The following PAPPA2 variants were observed in gnomAD, a reference collection of about 807,000 sequenced individuals.
PAPPA2 encodes the protein pappalysin-2.
PAPPA2 carries 86 observed loss-of-function variants against 176.4 expected under a neutral mutation model. The ratio of observed to expected loss-of-function variants is 0.49; its 90% CI spans 0.41 to 0.58. The LOEUF is 0.58. Ranked by LOEUF, PAPPA2 falls within the 20% of genes least tolerant of loss-of-function variation. The pLI is 0.00. For synonymous variants in PAPPA2, 809 were observed against 852.2 expected (o/e 0.95, Z 0.88); for missense variants, 2,073 against 2,256.9 (o/e 0.92, Z 1.65).
chr1:176,815,753 G>T (rs572685223), intron 21 of PAPPA2, among the ~76,000 whole-genome samples: 1 of 152,240 alleles, frequency 6.6e-6, no homozygotes, highest in Admixed American at 6.5e-5. Context: ...GTAAGGTAAG[G>T]CAGGACAACC....
chr1:176,625,374 T>C (rs2102700073), intron 3 of PAPPA2, among the ~76,000 whole-genome samples: 1 of 152,322 alleles, frequency 6.6e-6, no homozygotes, highest in South Asian at 2.1e-4. Context: ...ACACACACCC[T>C]GCCAGATTAG....
intron 3 of PAPPA2, among the ~76,000 whole-genome samples, chr1:176,656,074 T>C (rs1658014381): frequency 6.6e-6 from 1 of 151,900 alleles, no homozygotes; most frequent in Non-Finnish European, 1.5e-5. Flanking sequence ...TTTCTGAATA[T>C]ATTTTCAATA....
chr1:176,686,050 A>G (rs1259889860), intron 4 of PAPPA2, among the ~76,000 whole-genome samples: 2 of 152,130 alleles, frequency 1.3e-5, no homozygotes, highest in Non-Finnish European at 2.9e-5. Flanking sequence ...TCATTTCCCT[A>G]ATAACATCAC....
chr1:176,610,694 T>C (rs140228136), intron 3 of PAPPA2, among the ~76,000 whole-genome samples: 164 of 152,292 alleles, frequency 1.1e-3, no homozygotes, highest in African/African-American at 3.7e-3. Flanking sequence ...AGAGTGGTGA[T>C]GATTAAGATA....
chr1:176,687,922 T>C (rs1168546388), intron 4 of PAPPA2, among the ~76,000 whole-genome samples: 1 of 152,144 alleles, frequency 6.6e-6, no homozygotes, highest in Non-Finnish European at 1.5e-5. Flanking sequence ...AACAACTCAC[T>C]CTCATATACA....
At position 176,575,808 on chromosome 1, in the gene PAPPA2, A is replaced by C. The variant is rs77725197; in HGVS notation, c.919+18567A>C. On this transcript the variant is annotated intron_variant, in intron 2 of 22. Transcript: ENST00000367662. ...GATAAGTGGTTTATTGTAGAAGTTT[A>C]AAAAATACTTTTCCTGTAAATCTGT... Among the ~76,000 whole-genome samples the C allele has an allele frequency of 4.3e-3, 650 of 152,352 alleles. 6 individuals are homozygous for C. The highest frequency in any genetic ancestry group is 0.015 in the African/African-American group (605 of 41,590).
intron 3 of PAPPA2, among the ~76,000 whole-genome samples, chr1:176,611,445 T>G (rs980094981): frequency 3.9e-5 from 6 of 152,254 alleles, no homozygotes; most frequent in African/African-American, 1.4e-4. Context: ...TAAATGCTTG[T>G]AATTATATGT....
intron 21 of PAPPA2, among the ~76,000 whole-genome samples, chr1:176,809,524 G>C (rs1666050998): frequency 6.6e-6 from 1 of 152,136 alleles, no homozygotes. Flanking sequence ...CCAGATGGTA[G>C]CCCTGTTAGC....
chr1:176,492,032 A>G (rs965318902), intron 1 of PAPPA2, among the ~76,000 whole-genome samples: 1 of 152,226 alleles, frequency 6.6e-6, no homozygotes, highest in Non-Finnish European at 1.5e-5. Context: ...CCTGAACATC[A>G]AGCATGGAAT....
chr1:176,775,866 A>G (rs1433793553), intron 17 of PAPPA2, among the ~76,000 whole-genome samples: 1 of 152,164 alleles, frequency 6.6e-6, no homozygotes, highest in Non-Finnish European at 1.5e-5. Context: ...AAATTTTTGT[A>G]GCAACACTTT....
chr1:176,518,608 G>A (rs146642383), intron 1 of PAPPA2, among the ~76,000 whole-genome samples: 6 of 152,266 alleles, frequency 3.9e-5, no homozygotes, highest in South Asian at 2.1e-4. Context: ...TCCAATCAAG[G>A]GTCCTTATTT....
intron 14 of PAPPA2, among the ~76,000 whole-genome samples, chr1:176,758,134 A>G (rs955656849): frequency 6.6e-6 from 1 of 152,252 alleles, no homozygotes; most frequent in African/African-American, 2.4e-5. Context: ...ATGCGAAGGA[A>G]GAATCCGAAT....
intron 2 of PAPPA2, among the ~76,000 whole-genome samples, chr1:176,580,087 A>G (rs1278992595): frequency 2.0e-5 from 3 of 152,184 alleles, no homozygotes; most frequent in African/African-American, 2.4e-5. Flanking sequence ...CTACAGTTCT[A>G]TAGAGCACTA....
chr1:176,637,691 C>T (rs984132710), intron 3 of PAPPA2, among the ~76,000 whole-genome samples: 1 of 152,092 alleles, frequency 6.6e-6, no homozygotes, highest in African/African-American at 2.4e-5. Flanking sequence ...AACTGTCTGG[C>T]TTTAATTGCT....
chr1:176,624,750 A>G (rs1467192022), intron 3 of PAPPA2, among the ~76,000 whole-genome samples: 1 of 152,076 alleles, frequency 6.6e-6, no homozygotes, highest in Non-Finnish European at 1.5e-5. Context: ...GTGCTTTCAT[A>G]TCATATTTAT....
At chr1:176,824,026 T>C (rs2102976953) in intron 21 of PAPPA2, among the ~76,000 whole-genome samples, 1 of 152,222 alleles carries the variant, frequency 6.6e-6, no homozygotes, top group South Asian at 2.1e-4. Flanking sequence ...AATAGGATAG[T>C]ATTTGTTTGC....
intron 1 of PAPPA2, among the ~76,000 whole-genome samples, chr1:176,464,378 T>C (rs1651517677): frequency 6.6e-6 from 1 of 152,230 alleles, no homozygotes; most frequent in African/African-American, 2.4e-5. Flanking sequence ...CAAGTATTTA[T>C]TGAGCACCTA....
At chr1:176,588,772 G>C (rs1653478327) in intron 2 of PAPPA2, among the ~76,000 whole-genome samples, 1 of 152,172 alleles carries the variant, frequency 6.6e-6, no homozygotes, top group Non-Finnish European at 1.5e-5. Context: ...TTGGGGCTAT[G>C]AGCCTGTTAC....
chr1:176,765,740 G>C lies in PAPPA2; in HGVS notation c.4226G>C (p.Cys1409Ser). The change falls in exon 15 of 23, where the codon TGT becomes TCT. Residue 1409 changes from cysteine to serine, a missense_variant. Transcript: ENST00000367662. ...CTTGATCATGCTGATGTGGTGAACT[G>C]TACCTCTATAGGCCCAGGTCTCATG... ...LLLDHADVVN[C>S]TSIGPGLMKC... The C allele has an allele frequency of 6.2e-7, 1 of 1,614,080 alleles. No individual in the cohort carries two copies. The highest frequency in any genetic ancestry group is 8.5e-7 in the Non-Finnish European group (1 of 1,180,024).
Sources: allele counts gnomAD v4.1 joint callset (sites outside exome capture counted in the v4.1 genomes callset), GRCh38; gene constraint gnomAD v4.1.1; transcripts MANE v1.5; gene names NCBI Gene and HGNC (gene_info 2026-07-23, HGNC 2026-07-21).